The following ADAMTSL1 variants were observed in gnomAD, a reference collection of about 807,000 sequenced individuals.
ADAMTSL1 encodes the protein ADAMTS-like protein 1.
ADAMTSL1 carries 126 observed loss-of-function variants against 201.8 expected under a neutral mutation model. The ratio of observed to expected loss-of-function variants is 0.62; its 90% CI spans 0.54 to 0.72. ADAMTSL1 has a LOEUF of 0.72. Ranked by LOEUF, ADAMTSL1 falls within the 30% of genes least tolerant of loss-of-function variation. The pLI is 0.00. For missense variants in ADAMTSL1, 2,679 were observed against 2,277.8 expected, an observed-to-expected ratio of 1.18 and a Z score of -3.59; for synonymous variants, 1,121 against 903.4, an observed-to-expected ratio of 1.24 and a Z score of -4.32.
chr9:18,830,110 A>C, intron 23 of ADAMTSL1, 133 bp downstream of exon 23: 1 of 1,240,232 alleles, frequency 8.1e-7, no homozygotes, highest in South Asian at 1.5e-5. Flanking sequence ...TTGCCTACAG[A>C]ATCCAGACTC....
At chr9:18,164,868 G>A (rs1187404589) in intron 2 of ADAMTSL1, among the ~76,000 whole-genome samples, 1 of 151,838 alleles carries the variant, frequency 6.6e-6, no homozygotes, top group Non-Finnish European at 1.5e-5. Context: ...TTCAGACAGA[G>A]TAAATTGGCT....
intron 1 of ADAMTSL1, among the ~76,000 whole-genome samples, chr9:17,936,192 A>G (rs563919374): frequency 6.6e-6 from 1 of 152,268 alleles, no homozygotes; most frequent in African/African-American, 2.4e-5. Context: ...TTTCCTTGCT[A>G]TTTACTGGTG....
chr9:18,301,100 A>G (rs1833692755), intron 2 of ADAMTSL1, among the ~76,000 whole-genome samples: 1 of 152,212 alleles, frequency 6.6e-6, no homozygotes, highest in Admixed American at 6.5e-5. Context: ...AATGGATTCA[A>G]TCGAAACTTA....
intron 19 of ADAMTSL1, among the ~76,000 whole-genome samples, chr9:18,781,898 G>C (rs901357532): frequency 1.3e-5 from 2 of 152,202 alleles, no homozygotes; most frequent in South Asian, 2.1e-4. Flanking sequence ...TGATTTGAAA[G>C]AATTTAGTTT....
At chr9:18,013,630 A>T (rs1008612297) in intron 1 of ADAMTSL1, among the ~76,000 whole-genome samples, 1 of 152,066 alleles carries the variant, frequency 6.6e-6, no homozygotes, top group African/African-American at 2.4e-5. Flanking sequence ...GTCCCAGAAT[A>T]GTTGTGTCCT....
intron 2 of ADAMTSL1, among the ~76,000 whole-genome samples, chr9:18,288,386 TG>T (rs1411126194): frequency 2.0e-5 from 3 of 152,164 alleles, no homozygotes; most frequent in Non-Finnish European, 4.4e-5. Flanking sequence ...CTTAGGTATT[TG>T]TTATTTTTTT....
intron 1 of ADAMTSL1, among the ~76,000 whole-genome samples, chr9:18,139,942 G>A (rs1334745459): frequency 1.3e-5 from 2 of 152,002 alleles, no homozygotes; most frequent in African/African-American, 4.8e-5. Flanking sequence ...TTTAGGTTCT[G>A]GAAATTTAGA....
At chr9:18,721,003 A>G (rs933805435) in intron 14 of ADAMTSL1, among the ~76,000 whole-genome samples, 1 of 152,186 alleles carries the variant, frequency 6.6e-6, no homozygotes, top group Non-Finnish European at 1.5e-5. Context: ...CCTAGGTCAC[A>G]AAAGAAATGA....
chr9:18,680,384 T>C lies in ADAMTSL1; in HGVS notation c.1209T>C (p.Cys403=). Residue 403 remains cysteine (C), a synonymous_variant, in exon 11 of 29, where the codon TGT becomes TGC. Transcript: ENST00000380548. The part of the protein sequence containing the change: ...GGGIQSRAVS[C]VEEDIQGHVT... ...GCATCCAGAGCCGGGCAGTTTCCTGTGTGGAGGAGGACATCCAGGGGCATG... is the reference window on the plus strand; with the variant it reads ...GCATCCAGAGCCGGGCAGTTTCCTGCGTGGAGGAGGACATCCAGGGGCATG... The C allele has an allele frequency of 6.2e-7, 1 of 1,614,070 alleles. No individual in the cohort carries two copies. Among genetic ancestry groups the C allele is most frequent in the Non-Finnish European group, 8.5e-7 (1 of 1,180,000 alleles).
At chr9:18,162,082 T>G (rs915356926) in intron 1 of ADAMTSL1, among the ~76,000 whole-genome samples, 4 of 152,054 alleles carry the variant, frequency 2.6e-5, no homozygotes, top group African/African-American at 9.7e-5. Context: ...CAAGTTATGG[T>G]TGGATTCTCT....
chr9:18,683,425 G>A (rs185711640), intron 12 of ADAMTSL1, among the ~76,000 whole-genome samples: 1 of 151,698 alleles, frequency 6.6e-6, no homozygotes, highest in Non-Finnish European at 1.5e-5. Flanking sequence ...TAGAGACGGG[G>A]TTTCACCTTG....
At chr9:18,680,567 C>G in intron 11 of ADAMTSL1, 51 bp downstream of exon 11, 2 of 1,591,592 alleles carry the variant, frequency 1.3e-6, no homozygotes, top group Non-Finnish European at 1.7e-6. Flanking sequence ...CCACTCTTCC[C>G]TCTCATCATC....
chr9:18,630,442 T>C (rs1315440117), intron 5 of ADAMTSL1, among the ~76,000 whole-genome samples: 3 of 152,228 alleles, frequency 2.0e-5, no homozygotes, highest in Non-Finnish European at 4.4e-5. Context: ...TCCAGAGTTG[T>C]CCTTCTGTAT....
chr9:18,033,605 T>G (rs1413923682), intron 1 of ADAMTSL1, among the ~76,000 whole-genome samples: 2 of 152,332 alleles, frequency 1.3e-5, no homozygotes, highest in African/African-American at 2.4e-5. Flanking sequence ...ACTTTGATGG[T>G]AACCATCCTT....
chr9:18,816,027 G>T (rs1220707186), intron 20 of ADAMTSL1, among the ~76,000 whole-genome samples: 1 of 151,936 alleles, frequency 6.6e-6, no homozygotes, highest in Non-Finnish European at 1.5e-5. Context: ...CTTTCCCCTA[G>T]ATATTTTGAA....
chr9:17,990,169 C>A (rs1819092158), intron 1 of ADAMTSL1, among the ~76,000 whole-genome samples: 1 of 151,866 alleles, frequency 6.6e-6, no homozygotes, highest in Non-Finnish European at 1.5e-5. Context: ...AAAGGGAAGC[C>A]ATCTTGTAGG....
intron 6 of ADAMTSL1, among the ~76,000 whole-genome samples, chr9:18,636,979 T>A (rs1224980783): frequency 6.6e-6 from 1 of 152,044 alleles, no homozygotes; most frequent in Non-Finnish European, 1.5e-5. Context: ...GGATTATGAA[T>A]GAAATCACGC....
At chr9:18,349,236 A>T (rs1260072575) in intron 2 of ADAMTSL1, among the ~76,000 whole-genome samples, 1 of 152,206 alleles carries the variant, frequency 6.6e-6, no homozygotes, top group Non-Finnish European at 1.5e-5. Context: ...TATCGCTCTC[A>T]TATACATGGG....
chr9:18,787,039 G>A (rs1821748697), intron 19 of ADAMTSL1, among the ~76,000 whole-genome samples: 1 of 152,204 alleles, frequency 6.6e-6, no homozygotes, highest in Non-Finnish European at 1.5e-5. Flanking sequence ...CAGAACCATA[G>A]TTGTGAATAA....
Sources: allele counts gnomAD v4.1 joint callset (sites outside exome capture counted in the v4.1 genomes callset), GRCh38; gene constraint gnomAD v4.1.1; transcripts MANE v1.5; gene names NCBI Gene and HGNC (gene_info 2026-07-23, HGNC 2026-07-21).